Variants in TWF2 observed in about 807,000 individuals in gnomAD.
The protein encoded by TWF2 is twinfilin actin binding protein 2, also known as twinfilin-2.
Under a neutral mutation model 45.1 loss-of-function variants are expected in TWF2, and 15 were observed. The ratio of observed to expected loss-of-function variants is 0.33; its 90% CI spans 0.22 to 0.51. The LOEUF (loss-of-function observed/expected upper bound fraction) is 0.51, where lower values mean the gene tolerates loss of function less well. Among genes scored for constraint, TWF2 ranks in the 20% least tolerant of loss-of-function variants. The pLI is 0.97. For synonymous variants in TWF2, 177 were observed against 195.8 expected, an observed-to-expected ratio of 0.90 and a Z score of 0.80; for missense variants, 423 against 469.1, an observed-to-expected ratio of 0.90 and a Z score of 0.91.
chr3:52,238,181 A>C lies in TWF2; in HGVS notation c.25+811T>G, dbSNP rs142044912. Among the ~76,000 whole-genome samples, 595 of 152,282 alleles carry C rather than the reference A, an allele frequency of 3.9e-3. 5 individuals are homozygous for C. Among genetic ancestry groups the C allele is most frequent in the South Asian group, 0.023 (113 of 4,824 alleles). ...ATTCTTTAGGGCCAGGACTCTCCCC[A>C]CAAAACCCCATATCTGGACCTCTTC... is the stretch of plus-strand genomic sequence containing the variant. On this transcript the variant is annotated intron_variant, in intron 1 of 8. Transcript: ENST00000305533.
Position 52,235,121 on chromosome 3 carries a change from A to C in TWF2, c.26-15T>G, listed in dbSNP as rs749274185. 1.9e-5 allele frequency: 30 copies of C among 1,613,458 alleles called. No individual in the cohort carries two copies. In the East Asian group the frequency reaches 6.2e-4, roughly 34 times the overall value. ...CTCTTCCGTGGCTATAAGAACAAGA[A>C]ACATGGTGGGGGATGAGTGGGCAGA... On this transcript the variant is annotated splice_polypyrimidine_tract_variant and intron_variant, in intron 1 of 8. Transcript: ENST00000305533.
Position 52,228,970 on chromosome 3 carries a change from G to A in TWF2, c.*64C>T. The stretch of plus-strand genomic sequence containing the variant: ...TTTCCTGGAGCCCAGGAAGGAGGAT[G>A]GTGGCAGGGAGCGGAAGGTGGGCAG... On this transcript the variant is annotated 3_prime_UTR_variant, in exon 9 of 9. Transcript: ENST00000305533. The A allele has an allele frequency of 6.4e-7, 1 of 1,559,496 alleles. No individual in the cohort carries two copies. The highest frequency in any genetic ancestry group is 8.7e-7 in the Non-Finnish European group (1 of 1,150,930).
At chr3:52,230,108 C>T (rs756914159) in intron 6 of TWF2, 38 bp from the exon 7 acceptor site, 7 of 1,527,494 alleles carry the variant, frequency 4.6e-6, no homozygotes, top group South Asian at 1.2e-5. Flanking sequence ...AGCACCAGGT[C>T]GGGGTGGGCC....
chr3:52,235,924 G>A (rs1272107596), intron 1 of TWF2, among the ~76,000 whole-genome samples: 1 of 152,190 alleles, frequency 6.6e-6, no homozygotes, highest in African/African-American at 2.4e-5. Context: ...GCCCTGTGGG[G>A]GGTGGGGGGA....
intron 8 of TWF2, 89 bp downstream of exon 8, chr3:52,229,572 G>A: frequency 6.4e-7 from 1 of 1,554,386 alleles, no homozygotes; most frequent in African/African-American, 1.4e-5. Flanking sequence ...AACGATTCCT[G>A]CTCTGCCGTC....
rs1371995863 is a variant in TWF2 at position 52,239,147 on chromosome 3, G to A, written c.-131C>T. On this transcript the variant is annotated 5_prime_UTR_variant, in exon 1 of 9. Transcript: ENST00000305533. ...ACCCTCGCGCAGCTTCCCGGGCGGT[G>A]CCGCAGGACCCGCCCCCAGCGGCGC... 4 of 1,238,208 alleles carry A rather than the reference G, an allele frequency of 3.2e-6. No homozygotes were observed. The highest frequency in any genetic ancestry group is 3.1e-5 in the African/African-American group (2 of 64,290). The allele number at this position is 1,238,208 out of a possible 1,614,324, so 76.7% of individuals were successfully genotyped here. A position where few individuals can be genotyped will look rare whatever the true frequency, so the allele number is the denominator to read the frequency against.
chr3:52,229,241 C>A, intron 8 of TWF2, 40 bp from the exon 9 acceptor site: 1 of 1,599,598 alleles, frequency 6.3e-7, no homozygotes, highest in Non-Finnish European at 8.5e-7. Context: ...ATGGGAGGGG[C>A]TCTGACACAC....
chr3:52,233,857 T>TAAGCTGAGA (rs2107303660), intron 2 of TWF2, among the ~76,000 whole-genome samples: 1 of 133,254 alleles, frequency 7.5e-6, no homozygotes, highest in South Asian at 2.3e-4. Flanking sequence ...GAGCTTGCAG[T>TAAGCTGAGA]AAGCTGAGAT....
intron 6 of TWF2, among the ~76,000 whole-genome samples, chr3:52,230,667 G>A (rs1334409660): frequency 6.6e-6 from 1 of 152,070 alleles, no homozygotes; most frequent in Non-Finnish European, 1.5e-5. Flanking sequence ...ACATCTATGT[G>A]CACACAGTGT....
intron 6 of TWF2, 22 bp from the exon 7 acceptor site, chr3:52,230,092 T>C (rs929353163): frequency 1.3e-6 from 2 of 1,558,314 alleles, no homozygotes; most frequent in South Asian, 1.2e-5. Flanking sequence ...CAAGGGAAGA[T>C]GGGAGAGCAC....
rs1318029088 is a variant in TWF2 at position 52,231,671 on chromosome 3, G to A, written c.283-132C>T. 6 of 1,093,574 alleles carry A rather than the reference G, an allele frequency of 5.5e-6. No individual in the cohort carries two copies. The African/African-American group carries it at 7.9e-5, about 14-fold the overall frequency. The allele number at this position is 1,093,574 out of a possible 1,614,324, so 67.7% of individuals were successfully genotyped here. A position where few individuals can be genotyped will look rare whatever the true frequency, so the allele number is the denominator to read the frequency against. The stretch of plus-strand genomic sequence containing the variant: ...CTGGCAGAGGGCCAGCCCGGGGCCA[G>A]GACGCAGCAGGTGGCCCCCACCAGC... On this transcript the variant is annotated intron_variant, in intron 3 of 8. Transcript: ENST00000305533.
intron 4 of TWF2, 22 bp downstream of exon 4, chr3:52,231,422 G>T: frequency 6.2e-7 from 1 of 1,610,894 alleles, no homozygotes; most frequent in African/African-American, 1.3e-5. Context: ...TTGTGTCCCG[G>T]TAAGTCCTGG....
rs571674987 is a variant in TWF2 at position 52,228,737 on chromosome 3, C to T, written c.*297G>A. 1.1e-4 allele frequency: 51 copies of T among 446,012 alleles called. No homozygotes were observed. The Middle Eastern group carries it at 3.0e-3, about 26-fold the overall frequency. The allele number at this position is 446,012 out of a possible 1,614,324, so 27.6% of individuals were successfully genotyped here. A position where few individuals can be genotyped will look rare whatever the true frequency, so the allele number is the denominator to read the frequency against. The stretch of plus-strand genomic sequence containing the variant: ...CAAAGGTTTCTGGGCTGTGCTGGGA[C>T]CCTAGTCTCAGCTCCCCGGGAGGCC... On this transcript the variant is annotated 3_prime_UTR_variant, in exon 9 of 9. Transcript: ENST00000305533.
intron 2 of TWF2, among the ~76,000 whole-genome samples, chr3:52,233,779 TG>T (rs1699700507): frequency 6.6e-6 from 1 of 151,734 alleles, no homozygotes; most frequent in South Asian, 2.1e-4. Context: ...CCGGGCGCAG[TG>T]GTGGTCGCCT....
rs1324735748 is a variant in TWF2, at chr3:52,230,084, A to G, written c.610-14T>C. The G allele has an allele frequency of 1.3e-6, 2 of 1,568,452 alleles. No homozygotes were observed. The highest frequency in any genetic ancestry group is 2.7e-5 in the African/African-American group (2 of 74,514). ...TAGGTCCAGCTTCTGCCCAGGGCCA[A>G]GGGAAGATGGGAGAGCACCAGGTCG... On this transcript the variant is annotated splice_polypyrimidine_tract_variant and intron_variant, in intron 6 of 8. Transcript: ENST00000305533.
chr3:52,231,576 G>A, intron 3 of TWF2, 37 bp from the exon 4 acceptor site: 2 of 1,589,630 alleles, frequency 1.3e-6, no homozygotes, highest in Non-Finnish European at 1.7e-6. Context: ...AGGCCTCTGG[G>A]CAGGGCTGCC....
intron 1 of TWF2, among the ~76,000 whole-genome samples, chr3:52,238,228 G>C (rs1699745364): frequency 6.6e-6 from 1 of 152,166 alleles, no homozygotes; most frequent in Non-Finnish European, 1.5e-5. Flanking sequence ...CCTGGAGCTG[G>C]GATCTTCCAA....
chr3:52,233,906 T>A (rs1401496007), intron 2 of TWF2, among the ~76,000 whole-genome samples: 13 of 78,442 alleles, frequency 1.7e-4, no homozygotes, highest in African/African-American at 5.7e-4. Flanking sequence ...AGAGCGAAAC[T>A]CCGTCTCAAA....
intron 1 of TWF2, 150 bp from the exon 2 acceptor site, chr3:52,235,256 TG>T: frequency 2.6e-6 from 2 of 761,266 alleles, no homozygotes; most frequent in South Asian, 1.7e-5. Flanking sequence ...AGACAGCCAC[TG>T]AACACAAGCT....
Sources: allele counts gnomAD v4.1 joint callset (sites outside exome capture counted in the v4.1 genomes callset), GRCh38; gene constraint gnomAD v4.1.1; transcripts MANE v1.5; gene names NCBI Gene and HGNC (gene_info 2026-07-23, HGNC 2026-07-21).